The following BCAS1 variants were observed in gnomAD, a reference collection of about 807,000 sequenced individuals.
BCAS1 encodes breast carcinoma-amplified sequence 1.
Under a neutral mutation model 65.4 loss-of-function variants are expected in BCAS1, and 46 were observed. The observed-to-expected ratio is 0.70, with a 90% CI of 0.55 to 0.90. BCAS1 has a LOEUF of 0.90. Among genes scored for constraint, BCAS1 ranks in the 40% least tolerant of loss-of-function variants. BCAS1 has a pLI of 0.00. For synonymous variants in BCAS1, 298 were observed against 293.5 expected (o/e 1.02, Z -0.16); for missense variants, 793 against 771.2 (o/e 1.03, Z -0.33).
At chr20:54,057,999 T>A in intron 3 of BCAS1, 86 bp downstream of exon 3, 3 of 219,760 alleles carry the variant, frequency 1.4e-5, no homozygotes, top group East Asian at 2.9e-4. Flanking sequence ...GACCCTTTCA[T>A]TTTTTTTTTT....
chr20:54,064,705 C>A (rs749826200), intron 1 of BCAS1, among the ~76,000 whole-genome samples: 3 of 152,172 alleles, frequency 2.0e-5, no homozygotes, highest in African/African-American at 4.8e-5. Context: ...GACAGGCATC[C>A]GTAAAATCCC....
In BCAS1 at chr20:54,028,853, C is replaced by T. The variant is rs180883984; in HGVS notation, c.262G>A (p.Ala88Thr). The change falls in exon 4 of 13, where the codon GCA (alanine) becomes ACA (threonine). Residue 88 changes from alanine (A) to threonine (T), a missense_variant. Ala to Thr is a moderately conservative substitution (Grantham distance 58, BLOSUM62 0). Coordinates refer to ENST00000688948, the MANE Select transcript of BCAS1 (RefSeq NM_001366298.2). ...KNLGKEAKPEAPAAKSRFFLM... is the reference protein window; with the variant it reads ...KNLGKEAKPETPAAKSRFFLM... ...AAAAAACGAGATTTAGCAGCTGGTGCCTCGGGTTTGGCCTCTTTCCCAAGA... is the reference window on the plus strand; with the variant it reads ...AAAAAACGAGATTTAGCAGCTGGTGTCTCGGGTTTGGCCTCTTTCCCAAGA... The T allele has an allele frequency of 1.6e-5, 26 of 1,613,998 alleles. No homozygotes were observed. The Admixed American group carries it at 1.8e-4, about 11-fold the overall frequency.
chr20:53,999,557 CG>C (rs2091005627), intron 4 of BCAS1, among the ~76,000 whole-genome samples: 2 of 151,588 alleles, frequency 1.3e-5, no homozygotes, highest in East Asian at 1.9e-4. Flanking sequence ...CTTTCCTGCC[CG>C]TTTTTTTTTG....
At position 54,003,539 on chromosome 20, in the gene BCAS1, C is replaced by T. The variant is rs147053954; in HGVS notation, c.724-7489G>A. Among the ~76,000 whole-genome samples, 1,074 of 152,276 alleles carry T rather than the reference C, an allele frequency of 7.1e-3. 10 individuals carry two copies. Among genetic ancestry groups the T allele is most frequent in the South Asian group, 0.041 (198 of 4,824 alleles). ...TGGTACTTAGATTATGCACTTAGAC[C>T]AGCCTAACACCAAAGGCCAGGTTGG... is the stretch of plus-strand genomic sequence containing the variant. On this transcript the variant is annotated intron_variant, in intron 4 of 12. Transcript: ENST00000688948.
intron 3 of BCAS1, among the ~76,000 whole-genome samples, chr20:54,057,474 A>T (rs1372801758): frequency 1.3e-5 from 2 of 152,192 alleles, no homozygotes; most frequent in African/African-American, 4.8e-5. Flanking sequence ...AGAGATTGCA[A>T]CCTAGGTCTG....
At chr20:53,950,147 C>T (rs397748692) in intron 12 of BCAS1, among the ~76,000 whole-genome samples, 3 of 122,922 alleles carry the variant, frequency 2.4e-5, no homozygotes, top group South Asian at 5.3e-4. Flanking sequence ...TTGCACAGCC[C>T]GTACAGCCTG....
intron 1 of BCAS1, among the ~76,000 whole-genome samples, chr20:54,067,512 T>A (rs1304712425): frequency 6.6e-6 from 1 of 152,254 alleles, no homozygotes; most frequent in Non-Finnish European, 1.5e-5. Flanking sequence ...TATTCATTTA[T>A]CTTATTATTG....
chr20:54,009,108 C>T (rs549076385), intron 4 of BCAS1, among the ~76,000 whole-genome samples: 16 of 152,132 alleles, frequency 1.1e-4, no homozygotes, highest in Admixed American at 2.6e-4. Context: ...CCACTGTGCC[C>T]GGCCTCTGAC....
At chr20:54,035,841 T>G (rs58051555) in intron 3 of BCAS1, among the ~76,000 whole-genome samples, 6,787 of 151,394 alleles carry the variant, frequency 0.045, 515 homozygotes, top group East Asian at 0.22. Flanking sequence ...AAAGAAAATG[T>G]GGTACATATA....
chr20:54,029,133 T>C (rs2146106370), intron 3 of BCAS1, 161 bp from the exon 4 acceptor site: 2 of 985,396 alleles, frequency 2.0e-6, no homozygotes, highest in Non-Finnish European at 2.4e-6. Flanking sequence ...CTACATCTCC[T>C]TGGACCCTGC....
chr20:53,946,592 T>C (rs2089330082), intron 12 of BCAS1, among the ~76,000 whole-genome samples: 1 of 150,846 alleles, frequency 6.6e-6, no homozygotes, highest in Non-Finnish European at 1.5e-5. Flanking sequence ...ATATAGATAG[T>C]ATAGTGTAGT....
chr20:54,008,267 G>C (rs1317568180), intron 4 of BCAS1, among the ~76,000 whole-genome samples: 1 of 152,166 alleles, frequency 6.6e-6, no homozygotes, highest in Non-Finnish European at 1.5e-5. Flanking sequence ...AGGGAGCTGG[G>C]ATTCTCATCC....
intron 4 of BCAS1, among the ~76,000 whole-genome samples, chr20:54,011,559 A>G (rs1232105604): frequency 6.6e-6 from 1 of 152,228 alleles, no homozygotes; most frequent in Non-Finnish European, 1.5e-5. Context: ...GCACCCATCA[A>G]AGTGGTTAAA....
intron 1 of BCAS1, among the ~76,000 whole-genome samples, chr20:54,061,695 G>T (rs959843839): frequency 7.9e-5 from 12 of 152,184 alleles, no homozygotes; most frequent in Non-Finnish European, 4.4e-5. Context: ...TGGGGATTTT[G>T]TATGTCTTCT....
intron 9 of BCAS1, among the ~76,000 whole-genome samples, chr20:53,967,957 A>G (rs1489724548): frequency 6.6e-6 from 1 of 152,210 alleles, no homozygotes; most frequent in South Asian, 2.1e-4. Flanking sequence ...CTGGCAAAAT[A>G]CTACCAAATC....
intron 3 of BCAS1, among the ~76,000 whole-genome samples, chr20:54,049,553 G>A (rs1193847471): frequency 2.0e-5 from 3 of 151,510 alleles, no homozygotes; most frequent in Admixed American, 1.3e-4. Flanking sequence ...TAAAGAATAA[G>A]TATGAAAATA....
At chr20:53,946,531 ATAGAGAGAG>A (rs2089326252) in intron 12 of BCAS1, among the ~76,000 whole-genome samples, 1 of 150,082 alleles carries the variant, frequency 6.7e-6, no homozygotes, top group African/African-American at 2.5e-5. Context: ...ACACACACAC[ATAGAGAGAG>A]TATAGTATAG....
intron 11 of BCAS1, among the ~76,000 whole-genome samples, chr20:53,954,751 A>G (rs1479168803): frequency 1.3e-5 from 2 of 152,210 alleles, no homozygotes; most frequent in African/African-American, 4.8e-5. Context: ...TTTCTCCAGT[A>G]TAAGAAAAGC....
At chr20:53,989,827 C>A (rs939684115) in intron 7 of BCAS1, among the ~76,000 whole-genome samples, 1 of 152,072 alleles carries the variant, frequency 6.6e-6, no homozygotes, top group African/African-American at 2.4e-5. Context: ...ATGAGATATT[C>A]CATTAAATAT....
Sources: gnomAD v4.1 joint callset for allele counts (sites outside exome capture counted in the v4.1 genomes callset) on GRCh38, gnomAD v4.1.1 for gene constraint, MANE v1.5 for transcripts, NCBI Gene and HGNC (gene_info 2026-07-23, HGNC 2026-07-21) for gene names.